The following MMP16 variants were observed in gnomAD, a reference collection of about 807,000 sequenced individuals.
MMP16 encodes matrix metallopeptidase 16.
Under a neutral mutation model 67.8 loss-of-function variants are expected in MMP16, and 12 were observed. The observed-to-expected ratio is 0.18, with a 90% confidence interval of 0.11 to 0.29. MMP16 has a LOEUF of 0.29. Among genes scored for constraint, MMP16 ranks in the 10% least tolerant of loss-of-function variants. The pLI, the probability that MMP16 is intolerant of heterozygous loss-of-function variation, is 1.00. For synonymous variants in MMP16, 249 were observed against 255.9 expected (o/e 0.97, Z 0.26); for missense variants, 475 against 765.7 (o/e 0.62, Z 4.48).
intron 1 of MMP16, among the ~76,000 whole-genome samples, chr8:88,324,095 G>A (rs1811501786): frequency 6.6e-6 from 1 of 152,092 alleles, no homozygotes; most frequent in African/African-American, 2.4e-5. Context: ...CAATAAAAGT[G>A]TTCCACTTGA....
chr8:88,090,052 A>G (rs1193088077), intron 6 of MMP16, among the ~76,000 whole-genome samples: 1 of 152,044 alleles, frequency 6.6e-6, no homozygotes, highest in African/African-American at 2.4e-5. Context: ...ATAATGTGGA[A>G]GCGAGGAGAG....
Position 88,116,651 on chromosome 8 carries a change from A to C in MMP16, c.939T>G (p.Pro313=). ...LPTVPPHRSI[P]PADPRKNDRP... ...TGTCATTTTTCCTTGGGTCAGCCGGAGGAATAGAGCGGTGTGGGGGCACTG... is the reference window on the plus strand; with the variant it reads ...TGTCATTTTTCCTTGGGTCAGCCGGCGGAATAGAGCGGTGTGGGGGCACTG... Residue 313 remains proline (P), a synonymous_variant, in exon 6 of 10, where the codon CCT becomes CCG. Coordinates refer to ENST00000286614, the MANE Select transcript of MMP16 (RefSeq NM_005941.5). 6.2e-7 allele frequency: 1 copy of C among 1,613,820 alleles called. No homozygotes were observed. Among genetic ancestry groups the C allele is most frequent in the Non-Finnish European group, 8.5e-7 (1 of 1,179,864 alleles).
rs1441106769 is a variant in MMP16, at chr8:88,036,935, T to C, written c.*4526A>G. 1.3e-5 allele frequency: 2 copies of C among 151,668 alleles called. No homozygotes were observed. The highest frequency in any genetic ancestry group is 6.6e-5 in the Admixed American group (1 of 15,148). The allele number at this position is 151,668 out of a possible 1,614,324, so 9.4% of individuals were successfully genotyped here. A position where few individuals can be genotyped will look rare whatever the true frequency, so the allele number is the denominator to read the frequency against. The stretch of plus-strand genomic sequence containing the variant: ...TACTACCAGTAAATAATTCCCTTTA[T>C]TAGTTTCTGGAAATGATTCCAAAAA... On this transcript the variant is annotated 3_prime_UTR_variant, in exon 10 of 10. Coordinates refer to ENST00000286614, the MANE Select transcript of MMP16 (RefSeq NM_005941.5).
At chr8:88,263,393 C>A (rs993968997) in intron 1 of MMP16, among the ~76,000 whole-genome samples, 2 of 152,102 alleles carry the variant, frequency 1.3e-5, no homozygotes, top group East Asian at 3.9e-4. Flanking sequence ...TACAGGAAAG[C>A]CAAGGCAGAG....
At chr8:88,111,709 T>C (rs940985367) in intron 6 of MMP16, among the ~76,000 whole-genome samples, 1 of 151,558 alleles carries the variant, frequency 6.6e-6, no homozygotes, top group African/African-American at 2.4e-5. Flanking sequence ...GACAACAGAC[T>C]GAAAGGAGGC....
At chr8:88,124,835 C>T (rs1010473061) in intron 4 of MMP16, among the ~76,000 whole-genome samples, 7 of 151,994 alleles carry the variant, frequency 4.6e-5, no homozygotes, top group African/African-American at 1.7e-4. Context: ...CAGGTTCTGG[C>T]GAGGGCTCTC....
At chr8:88,149,671 T>C (rs1312284653) in intron 4 of MMP16, among the ~76,000 whole-genome samples, 1 of 150,992 alleles carries the variant, frequency 6.6e-6, no homozygotes, top group East Asian at 2.0e-4. Context: ...GAAGGAAAAC[T>C]AACAAACAGA....
chr8:88,137,308 C>T (rs1808136763), intron 4 of MMP16, among the ~76,000 whole-genome samples: 1 of 151,408 alleles, frequency 6.6e-6, no homozygotes. Context: ...GGCAACTCCT[C>T]CCCCCCAAAA....
chr8:88,259,951 T>C (rs1033184724), intron 1 of MMP16, among the ~76,000 whole-genome samples: 1 of 152,172 alleles, frequency 6.6e-6, no homozygotes, highest in Non-Finnish European at 1.5e-5. Flanking sequence ...GCTTAATTGT[T>C]GCTTCCTAAA....
chr8:88,181,443 G>C (rs1191257032), intron 3 of MMP16, among the ~76,000 whole-genome samples: 2 of 151,586 alleles, frequency 1.3e-5, no homozygotes, highest in East Asian at 3.9e-4. Context: ...ATTAGCACCA[G>C]AAAAGTAAAA....
chr8:88,262,023 T>C (rs1027191649), intron 1 of MMP16, among the ~76,000 whole-genome samples: 1 of 152,204 alleles, frequency 6.6e-6, no homozygotes, highest in Middle Eastern at 3.2e-3. Flanking sequence ...CAAAGGACTA[T>C]GATCTCTCTA....
intron 4 of MMP16, among the ~76,000 whole-genome samples, chr8:88,126,651 T>C (rs763586337): frequency 4.6e-5 from 7 of 151,864 alleles, no homozygotes; most frequent in Non-Finnish European, 8.8e-5. Flanking sequence ...CCCAGTGTGT[T>C]TGTGTGAGTG....
At chr8:88,246,689 T>C (rs558603688) in intron 1 of MMP16, among the ~76,000 whole-genome samples, 59 of 152,282 alleles carry the variant, frequency 3.9e-4, no homozygotes, top group African/African-American at 1.3e-3. Flanking sequence ...AGTATGCTTA[T>C]AAATGGTACT....
intron 7 of MMP16, among the ~76,000 whole-genome samples, chr8:88,065,748 T>A (rs1295591033): frequency 6.6e-6 from 1 of 152,112 alleles, no homozygotes; most frequent in Non-Finnish European, 1.5e-5. Flanking sequence ...ACTTCATGAA[T>A]ACTCCCTAAA....
chr8:88,127,049 G>A (rs1435126605), intron 4 of MMP16, among the ~76,000 whole-genome samples: 3 of 151,824 alleles, frequency 2.0e-5, no homozygotes, highest in Non-Finnish European at 2.9e-5. Flanking sequence ...CTGGATCGCA[G>A]TAAGTAAAAA....
At chr8:88,081,169 C>T (rs1808744998) in intron 6 of MMP16, among the ~76,000 whole-genome samples, 1 of 152,024 alleles carries the variant, frequency 6.6e-6, no homozygotes, top group South Asian at 2.1e-4. Context: ...AGACAGACGT[C>T]AAAAGGTTTA....
chr8:88,245,041 G>A (rs572369687), intron 1 of MMP16, among the ~76,000 whole-genome samples: 23 of 152,212 alleles, frequency 1.5e-4, no homozygotes, highest in African/African-American at 5.1e-4. Context: ...GTAAATTCAC[G>A]TTGTTTTTCT....
chr8:88,288,600 C>T (rs1455565389), intron 1 of MMP16, among the ~76,000 whole-genome samples: 1 of 152,104 alleles, frequency 6.6e-6, no homozygotes, highest in Non-Finnish European at 1.5e-5. Flanking sequence ...GTAAAGAGTC[C>T]ATTTTTTGTA....
intron 1 of MMP16, among the ~76,000 whole-genome samples, chr8:88,217,635 T>A (rs7357576): frequency 0.17 from 26,407 of 151,942 alleles, 2,441 homozygotes; most frequent in South Asian, 0.2. Flanking sequence ...TCAGCACCAA[T>A]TCCCCTGCCT....
Sources: allele counts gnomAD v4.1 joint callset (sites outside exome capture counted in the v4.1 genomes callset), GRCh38; gene constraint gnomAD v4.1.1; transcripts MANE v1.5; gene names NCBI Gene and HGNC (gene_info 2026-07-23, HGNC 2026-07-21).